The following TRIM16 variants were observed in gnomAD, a reference collection of about 807,000 sequenced individuals.
TRIM16 encodes the protein tripartite motif-containing protein 16.
Under a neutral mutation model 50.4 loss-of-function variants are expected in TRIM16, and 33 were observed. That is an observed-to-expected ratio of 0.65 (90% CI 0.50 to 0.88). TRIM16 has a LOEUF of 0.88. TRIM16 is among the 40% of genes least tolerant of loss of function. The probability of loss-of-function intolerance (pLI) is 0.00; values close to 1 mark genes in which losing one functional copy is unlikely to be tolerated. For synonymous variants in TRIM16, 229 were observed against 270.7 expected (o/e 0.85, Z 1.51); for missense variants, 581 against 686.8 (o/e 0.85, Z 1.72).
At chr17:15,673,446 G>A (rs930346675) in intron 6 of TRIM16, among the ~76,000 whole-genome samples, 2 of 152,184 alleles carry the variant, frequency 1.3e-5, no homozygotes, top group African/African-American at 4.8e-5. Flanking sequence ...TAGGAAAGCA[G>A]GTGAGGAGAG....
chr17:15,638,258 TAA>T (rs535590168), intron 8 of TRIM16, among the ~76,000 whole-genome samples: 10 of 115,074 alleles, frequency 8.7e-5, no homozygotes, highest in Admixed American at 8.3e-5. Context: ...AAAATAAATT[TAA>T]AAAAAAAAAA....
chr17:15,644,757 GT>G (rs1236834443), intron 7 of TRIM16, among the ~76,000 whole-genome samples: 3 of 152,074 alleles, frequency 2.0e-5, no homozygotes, highest in African/African-American at 7.3e-5. Flanking sequence ...TCTAAGAGCT[GT>G]CGGGTGCCAG....
At chr17:15,660,379 A>C (rs1481338804) in intron 6 of TRIM16, among the ~76,000 whole-genome samples, 1 of 152,174 alleles carries the variant, frequency 6.6e-6, no homozygotes, top group Non-Finnish European at 1.5e-5. Context: ...ACTGAAGCTC[A>C]ATTCTTCATT....
intron 6 of TRIM16, among the ~76,000 whole-genome samples, chr17:15,670,601 A>G (rs1184330302): frequency 6.6e-6 from 1 of 152,208 alleles, no homozygotes; most frequent in Admixed American, 6.5e-5. Context: ...TTGCAAAATA[A>G]AAGGCCCATA....
At chr17:15,648,458 G>A (rs1987525641) in intron 7 of TRIM16, among the ~76,000 whole-genome samples, 1 of 152,164 alleles carries the variant, frequency 6.6e-6, no homozygotes, top group Non-Finnish European at 1.5e-5. Flanking sequence ...GGGTTCACTT[G>A]GTTAACTGAG....
intron 10 of TRIM16, among the ~76,000 whole-genome samples, chr17:15,632,207 G>A (rs1986461449): frequency 6.6e-6 from 1 of 151,962 alleles, no homozygotes; most frequent in Non-Finnish European, 1.5e-5. Flanking sequence ...TGACCAACAT[G>A]GTGAAACCCC....
Position 15,629,078 on chromosome 17 carries a change from C to T in TRIM16, c.1232G>A (p.Arg411Lys), listed in dbSNP as rs1335313016. Residue 411 changes from arginine to lysine, a missense_variant, in exon 12 of 12, where the codon AGG (arginine) becomes AAG (lysine). Transcript: ENST00000649191. Reference sequence around the variant, plus strand: ...CAGCACCTGCCGCCAGTGCAGGAACCTGCTGGGGAGGTCCGGGTAGGGATG... The same window carrying T: ...CAGCACCTGCCGCCAGTGCAGGAACTTGCTGGGGAGGTCCGGGTAGGGATG... The part of the protein sequence containing the change: ...WEHPYPDLPS[R>K]FLHWRQVLSQ... 6.2e-7 allele frequency: 1 copy of T among 1,613,970 alleles called. No individual in the cohort carries two copies. The highest frequency in any genetic ancestry group is 8.5e-7 in the Non-Finnish European group (1 of 1,179,880).
chr17:15,647,816 T>TACACACACACACACACACACAC (rs558765410), intron 7 of TRIM16, among the ~76,000 whole-genome samples: 4 of 139,208 alleles, frequency 2.9e-5, no homozygotes, highest in Non-Finnish European at 4.6e-5. Flanking sequence ...CCAGATTTCA[T>TACACACACACACACACACACAC]ACACACACAC....
intron 6 of TRIM16, among the ~76,000 whole-genome samples, chr17:15,670,962 A>G (rs1988704309): frequency 6.6e-6 from 1 of 152,292 alleles, no homozygotes; most frequent in African/African-American, 2.4e-5. Flanking sequence ...GGACTAATAT[A>G]TGAAGCTGAT....
In TRIM16 at chr17:15,677,604, A is replaced by C. The variant is rs1367926720; in HGVS notation, c.-472T>G. On this transcript the variant is annotated 5_prime_UTR_variant, in exon 5 of 12. Transcript: ENST00000649191. The stretch of plus-strand genomic sequence containing the variant: ...GGAGACCAGGTTCCTATAGTTCTCC[A>C]GCATTACATCCCTGTACAAGACTCT... 9.5e-7 allele frequency: 1 copy of C among 1,052,898 alleles called. No homozygotes were observed. Among genetic ancestry groups the C allele is most frequent in the Non-Finnish European group, 1.2e-6 (1 of 862,958 alleles). 65.2% of individuals were successfully genotyped at this position (1,052,898 alleles called of 1,614,324 possible).
chr17:15,675,212 T>G (rs1220242785), intron 6 of TRIM16, among the ~76,000 whole-genome samples: 1 of 152,204 alleles, frequency 6.6e-6, no homozygotes, highest in African/African-American at 2.4e-5. Context: ...CTTGGATTTG[T>G]GATATTCTGA....
intron 8 of TRIM16, among the ~76,000 whole-genome samples, chr17:15,640,429 T>C (rs997507737): frequency 2.7e-5 from 4 of 148,760 alleles, no homozygotes; most frequent in African/African-American, 1.0e-4. Context: ...TTGTTCACTG[T>C]GGGCACCAGT....
intron 6 of TRIM16, among the ~76,000 whole-genome samples, chr17:15,663,641 G>A (rs1001014305): frequency 6.6e-6 from 1 of 152,146 alleles, no homozygotes; most frequent in African/African-American, 2.4e-5. Flanking sequence ...TGTCCTTATT[G>A]CTGCAGCCGG....
Position 15,631,683 on chromosome 17 carries a change from G to A in TRIM16, c.1047C>T (p.Ala349=), listed in dbSNP as rs183422065. The A allele has an allele frequency of 7.9e-5, 128 of 1,613,902 alleles. 1 individual carries two copies. The highest frequency in any genetic ancestry group is 1.6e-4 in the South Asian group (15 of 91,066). Residue 349 remains alanine, a synonymous_variant, in exon 11 of 12, where the codon GCC becomes GCT. Coordinates refer to ENST00000649191, the MANE Select transcript of TRIM16 (RefSeq NM_001348119.1). ...AAGTCCAATATTTGCGCTGAACAAC[G>A]GCAGACACTTGAGTTCTGATGTCAT... ...EEYDIRTQVS[A]VVQRKYWTSK...
intron 7 of TRIM16, chr17:15,643,161 C>T (rs1023948534): frequency 3.0e-6 from 3 of 993,388 alleles, no homozygotes. Flanking sequence ...TGGATCCCTC[C>T]TCTCAGCAAA....
In TRIM16 at chr17:15,683,036, C is replaced by G. The variant is rs1052702835; in HGVS notation, c.-777G>C. ...AGGACCCTTTATTTCTATTTCTTACCTCTGTTCTGGAGTTTGCAGGTCCAA... is the reference window on the plus strand; with the variant it reads ...AGGACCCTTTATTTCTATTTCTTACGTCTGTTCTGGAGTTTGCAGGTCCAA... On this transcript the variant is annotated splice_region_variant and 5_prime_UTR_variant, in exon 2 of 12. Coordinates refer to ENST00000649191, the MANE Select transcript of TRIM16 (RefSeq NM_001348119.1). The G allele has an allele frequency of 6.4e-7, 1 of 1,550,448 alleles. No homozygotes were observed. The highest frequency in any genetic ancestry group is 1.4e-5 in the African/African-American group (1 of 73,028).
At chr17:15,662,264 A>G (rs1015500525) in intron 6 of TRIM16, among the ~76,000 whole-genome samples, 6 of 152,200 alleles carry the variant, frequency 3.9e-5, no homozygotes, top group Non-Finnish European at 8.8e-5. Flanking sequence ...GGGACTCCCA[A>G]TGATGGAGTC....
chr17:15,629,308 C>A (rs1986282987), intron 11 of TRIM16, 110 bp from the exon 12 acceptor site: 3 of 657,624 alleles, frequency 4.6e-6, no homozygotes, highest in Admixed American at 3.0e-5. Context: ...ACATCCATTT[C>A]TCTGTTCTCT....
chr17:15,628,779 C>T lies in TRIM16; in HGVS notation c.1531G>A (p.Val511Ile), dbSNP rs774220907. The change falls in exon 12 of 12, where the codon GTA becomes ATA. Residue 511 changes from valine (V) to isoleucine (I), a missense_variant. Val to Ile is a conservative substitution (Grantham distance 29, BLOSUM62 3). Coordinates refer to ENST00000649191, the MANE Select transcript of TRIM16 (RefSeq NM_001348119.1). ...ACCAGAGTCATGGTATCATACTCTA[C>T]GCCATAGAAGGAAAGGATCCCTCCC... Reference protein sequence around the residue: ...FPGGILSFYGVEYDTMTLVHK... With the variant: ...FPGGILSFYGIEYDTMTLVHK... 52 of 1,614,090 alleles carry T rather than the reference C, an allele frequency of 3.2e-5. No homozygotes were observed. Among genetic ancestry groups the T allele is most frequent in the Admixed American group, 1.7e-4 (10 of 60,006 alleles).
Sources: gnomAD v4.1 joint callset for allele counts (sites outside exome capture counted in the v4.1 genomes callset) on GRCh38, gnomAD v4.1.1 for gene constraint, MANE v1.5 for transcripts, NCBI Gene and HGNC (gene_info 2026-07-23, HGNC 2026-07-21) for gene names.